NOMO1: variants seen among roughly 807,000 people sequenced by gnomAD.
NOMO1 encodes the protein NODAL modulator 1, also known as nodal modulator 3.
In NOMO1, 40 loss-of-function variants were observed where a neutral mutation model predicts 133.8. The ratio of observed to expected loss-of-function variants is 0.30; its 90% CI spans 0.23 to 0.39. The LOEUF is 0.39. NOMO1 is among the 10% of genes least tolerant of loss of function. NOMO1 has a pLI of 1.00. For missense variants in NOMO1, 462 were observed against 1,419.9 expected (o/e 0.33, Z 10.84); for synonymous variants, 236 against 570.5 (o/e 0.41, Z 8.36).
At chr16:14,844,178 T>C (rs4781625) in intron 3 of NOMO1, among the ~76,000 whole-genome samples, 5 of 151,886 alleles carry the variant, frequency 3.3e-5, no homozygotes, top group African/African-American at 7.3e-5. Context: ...TAGGGTTGAA[T>C]TGGGGCTCTG....
chr16:14,881,337 G>A (rs1485520349), intron 24 of NOMO1, among the ~76,000 whole-genome samples: 1 of 151,956 alleles, frequency 6.6e-6, no homozygotes, highest in Non-Finnish European at 1.5e-5. Flanking sequence ...CCCTCAAAAT[G>A]TATGAGAAAA....
chr16:14,862,974 T>C (rs1484785414), intron 11 of NOMO1, 39 bp from the exon 12 acceptor site: 3 of 1,610,050 alleles, frequency 1.9e-6, no homozygotes, highest in Admixed American at 3.3e-5. Context: ...CTGTTATAAT[T>C]GAGTCCTCGT....
chr16:14,836,034 C>G (rs1231187853), intron 1 of NOMO1, among the ~76,000 whole-genome samples: 1 of 151,954 alleles, frequency 6.6e-6, no homozygotes, highest in Non-Finnish European at 1.5e-5. Context: ...GTTGCTAATA[C>G]TTTAACAATC....
chr16:14,845,380 G>A (rs1021648430), intron 4 of NOMO1, among the ~76,000 whole-genome samples: 4 of 151,928 alleles, frequency 2.6e-5, no homozygotes, highest in South Asian at 4.2e-4. Flanking sequence ...CAGGGATGCC[G>A]AATTGGAAGG....
Position 14,850,823 on chromosome 16 carries a change from T to G in NOMO1, c.583-1607T>G, listed in dbSNP as rs1238670786. ...CAAGGCTGGGCGCAGTTGCTCATGC[T>G]GTAATTCCAGCATTTTGGGAGGCTG... On this transcript the variant is annotated intron_variant, in intron 6 of 30. Transcript: ENST00000287667. Among the ~76,000 whole-genome samples the G allele has an allele frequency of 2.0e-5, 3 of 151,912 alleles. 1 individual carries two copies. The highest frequency in any genetic ancestry group is 7.3e-5 in the African/African-American group (3 of 41,234).
At chr16:14,874,441 G>A (rs1278760225) in intron 18 of NOMO1, among the ~76,000 whole-genome samples, 4 of 152,018 alleles carry the variant, frequency 2.6e-5, no homozygotes, top group Admixed American at 6.5e-5. Context: ...AGAGAGCTGC[G>A]TGGCGCATTC....
chr16:14,873,041 TGA>T (rs1159765792), intron 18 of NOMO1, among the ~76,000 whole-genome samples: 1 of 107,766 alleles, frequency 9.3e-6, no homozygotes, highest in Non-Finnish European at 2.2e-5. Context: ...ACTGAAAAAC[TGA>T]GAGTCTTCAG....
At chr16:14,836,926 C>T (rs1238106348) in intron 1 of NOMO1, among the ~76,000 whole-genome samples, 5 of 151,474 alleles carry the variant, frequency 3.3e-5, no homozygotes, top group African/African-American at 9.7e-5. Flanking sequence ...AGGATGGTCT[C>T]GATCTCCTGA....
At chr16:14,838,304 G>A in intron 1 of NOMO1, 103 bp from the exon 2 acceptor site, 5 of 1,167,366 alleles carry the variant, frequency 4.3e-6, no homozygotes, top group Non-Finnish European at 6.2e-6. Flanking sequence ...CATATAATAG[G>A]TCCTCAGTGA....
intron 29 of NOMO1, among the ~76,000 whole-genome samples, chr16:14,891,240 T>C (rs1964401133): frequency 6.6e-6 from 1 of 152,020 alleles, no homozygotes; most frequent in Admixed American, 6.6e-5. Flanking sequence ...TTCTCTCTTT[T>C]CATGTGGTTA....
chr16:14,891,430 A>G lies in NOMO1; in HGVS notation c.3444+2215A>G, dbSNP rs1964403961. ...CTTGGTTTCTGCAAAGATTTACTTT[A>G]TTTCTATGTTAAATGTGTTGATTTT... On this transcript the variant is annotated intron_variant, in intron 29 of 30. Transcript: ENST00000287667. Among the ~76,000 whole-genome samples the G allele has an allele frequency of 2.0e-5, 3 of 151,516 alleles. No individual in the cohort carries two copies. In the South Asian group the frequency reaches 6.2e-4, roughly 32 times the overall value.
intron 11 of NOMO1, among the ~76,000 whole-genome samples, chr16:14,858,655 C>T (rs1355165817): frequency 6.6e-6 from 1 of 152,134 alleles, no homozygotes; most frequent in African/African-American, 2.4e-5. Flanking sequence ...ATGAGGCCAA[C>T]CCCATAGCAC....
intron 24 of NOMO1, among the ~76,000 whole-genome samples, chr16:14,880,527 G>A (rs1488658642): frequency 1.3e-5 from 2 of 151,432 alleles, no homozygotes; most frequent in East Asian, 3.9e-4. Context: ...AAGTAGCTGG[G>A]ACTGCCACCA....
intron 28 of NOMO1, chr16:14,888,508 C>G (rs994645399): frequency 5.7e-5 from 9 of 157,778 alleles, no homozygotes; most frequent in Admixed American, 2.9e-4. Flanking sequence ...AAAGCAGCCG[C>G]GGGCCTCATG....
Position 14,871,144 on chromosome 16 carries a change from A to G in NOMO1, c.1895-477A>G, listed in dbSNP as rs184349939. The stretch of plus-strand genomic sequence containing the variant: ...AGTGATGAAATGTACCCCTAGCCGG[A>G]GTGTCCTCCCACACAGACTCACACT... On this transcript the variant is annotated intron_variant, in intron 16 of 30. Transcript: ENST00000287667. Among the ~76,000 whole-genome samples the G allele has an allele frequency of 4.3e-3, 660 of 151,924 alleles. 3 individuals are homozygous for G. The highest frequency in any genetic ancestry group is 6.2e-3 in the Non-Finnish European group (424 of 67,974).
rs561335345 is a variant in NOMO1 at position 14,882,829 on chromosome 16, G to A, written c.3111+152G>A. ...TCTTAGAATAGTGTCATCTTCACAA[G>A]CAGCATCTTATGTGGGTTTTTAATG... is the stretch of plus-strand genomic sequence containing the variant. On this transcript the variant is annotated intron_variant, in intron 26 of 30. Transcript: ENST00000287667. 6.6e-6 allele frequency: 10 copies of A among 1,518,236 alleles called. No homozygotes were observed. The Admixed American group carries it at 1.8e-4, about 27-fold the overall frequency. The allele number at this position is 1,518,236 out of a possible 1,614,324, so 94.0% of individuals were successfully genotyped here.
chr16:14,885,024 G>T (rs1431143662), intron 27 of NOMO1, among the ~76,000 whole-genome samples: 1 of 152,018 alleles, frequency 6.6e-6, no homozygotes, highest in Admixed American at 6.5e-5. Context: ...AGTGGGAGCA[G>T]GCATGTCATG....
rs1964261791 is a variant in NOMO1, at chr16:14,882,692, G to A, written c.3111+15G>A. 1.9e-6 allele frequency: 3 copies of A among 1,611,700 alleles called. No individual in the cohort carries two copies. The highest frequency in any genetic ancestry group is 2.5e-6 in the Non-Finnish European group (3 of 1,179,794). On this transcript the variant is annotated intron_variant, in intron 26 of 30. Coordinates refer to ENST00000287667, the MANE Select transcript of NOMO1 (RefSeq NM_014287.4). ...GGGTGATTGAGGTAAGGCATTCAGTGCTGCCGCTGCACCTGGGTGTGGGTG... is the reference window on the plus strand; with the variant it reads ...GGGTGATTGAGGTAAGGCATTCAGTACTGCCGCTGCACCTGGGTGTGGGTG...
intron 4 of NOMO1, among the ~76,000 whole-genome samples, chr16:14,845,687 C>A (rs907725054): frequency 1.4e-4 from 21 of 151,916 alleles, no homozygotes; most frequent in Non-Finnish European, 2.2e-4. Context: ...GGACTTCTTT[C>A]TCCTCTACCT....
Sources: gnomAD v4.1 joint callset for allele counts (sites outside exome capture counted in the v4.1 genomes callset) on GRCh38, gnomAD v4.1.1 for gene constraint, MANE v1.5 for transcripts, NCBI Gene and HGNC (gene_info 2026-07-23, HGNC 2026-07-21) for gene names.